Variants in CFAP96 observed in about 807,000 individuals in gnomAD.
CFAP96 encodes cilia-and flagella-associated protein 96.
chr4:185,429,570 GAATTT>G, the CFAP96 span: 2 of 929,958 alleles, frequency 2.2e-6, no homozygotes, highest in African/African-American at 3.5e-5. Context: ...ATAAAATTTA[GAATTT>G]AATATTTAAG....
chr4:185,449,582 T>C, the CFAP96 span: 1 of 1,517,798 alleles, frequency 6.6e-7, no homozygotes, highest in Non-Finnish European at 8.9e-7. Context: ...TGTGTGTTTA[T>C]TTTCCAATTT....
the CFAP96 span, among the ~76,000 whole-genome samples, chr4:185,431,003 A>C: frequency 6.6e-6 from 1 of 152,088 alleles, no homozygotes. Flanking sequence ...CAAGGTCAGG[A>C]GTTCAAGACC....
chr4:185,427,746 C>T, the CFAP96 span, among the ~76,000 whole-genome samples: 6 of 145,340 alleles, frequency 4.1e-5, no homozygotes, highest in Non-Finnish European at 6.0e-5. Context: ...GGCGACAGAG[C>T]GAGACTCCAT....
chr4:185,443,342 A>ATATATATATATTTTTTTTTTTTTTTTT, the CFAP96 span, among the ~76,000 whole-genome samples: 1 of 26,730 alleles, frequency 3.7e-5, no homozygotes, highest in African/African-American at 1.2e-4. Flanking sequence ...ATATATATAT[A>ATATATATATATTTTTTTTTTTTTTTTT]TTTTTTTTTT....
At chr4:185,433,569 A>T in the CFAP96 span, among the ~76,000 whole-genome samples, 1 of 152,100 alleles carries the variant, frequency 6.6e-6, no homozygotes. Flanking sequence ...TTCTAATTCT[A>T]GTAGGCAACG....
chr4:185,415,368 G>C, the CFAP96 span: 1 of 1,536,234 alleles, frequency 6.5e-7, no homozygotes, highest in South Asian at 1.3e-5. Context: ...AAATATATAA[G>C]TGTATTAACA....
chr4:185,427,376 C>T, the CFAP96 span, among the ~76,000 whole-genome samples: 1 of 152,234 alleles, frequency 6.6e-6, no homozygotes, highest in Non-Finnish European at 1.5e-5. Flanking sequence ...TCACTTGCCC[C>T]TTTGGTGTTA....
chr4:185,445,554 G>T, the CFAP96 span: 4 of 1,490,226 alleles, frequency 2.7e-6, no homozygotes, highest in Non-Finnish European at 3.7e-6. Context: ...TATGAAAATA[G>T]AAAATATTCT....
chr4:185,445,217 A>G, the CFAP96 span: 6 of 1,210,644 alleles, frequency 5.0e-6, no homozygotes, highest in African/African-American at 6.1e-5. Context: ...TTTTATTTAT[A>G]TATACTTTTT....
the CFAP96 span, among the ~76,000 whole-genome samples, chr4:185,434,937 C>T: frequency 1.1e-4 from 17 of 152,148 alleles, no homozygotes; most frequent in South Asian, 4.2e-4. Flanking sequence ...AGATGGGTTT[C>T]GCCATGTTGG....
the CFAP96 span, chr4:185,435,930 T>C: frequency 1.3e-6 from 1 of 762,332 alleles, no homozygotes; most frequent in Non-Finnish European, 2.0e-6. Context: ...TGAAATTAGA[T>C]TAAAACTAGC....
At chr4:185,446,726 C>T in the CFAP96 span, among the ~76,000 whole-genome samples, 5 of 132,706 alleles carry the variant, frequency 3.8e-5, no homozygotes, top group African/African-American at 8.1e-5. Flanking sequence ...TAGCCCACAA[C>T]ATTTTTTGTG....
At chr4:185,442,278 G>A in the CFAP96 span, among the ~76,000 whole-genome samples, 5 of 151,678 alleles carry the variant, frequency 3.3e-5, no homozygotes, top group Non-Finnish European at 7.4e-5. Flanking sequence ...CTCTTTTTTT[G>A]GATATATTAA....
the CFAP96 span, chr4:185,444,934 C>A: frequency 6.5e-7 from 1 of 1,531,244 alleles, no homozygotes; most frequent in South Asian, 1.2e-5. Flanking sequence ...TTTACAAAAT[C>A]ACATTAAGTT....
the CFAP96 span, chr4:185,445,551 A>G: frequency 6.7e-7 from 1 of 1,502,204 alleles, no homozygotes; most frequent in Non-Finnish European, 9.2e-7. Flanking sequence ...ACCTATGAAA[A>G]TAGAAAATAT....
the CFAP96 span, among the ~76,000 whole-genome samples, chr4:185,426,811 C>T: frequency 3.4e-5 from 5 of 145,216 alleles, no homozygotes; most frequent in East Asian, 1.0e-3. Context: ...GCAGACGCAT[C>T]ACCTGCGCTC....
the CFAP96 span, among the ~76,000 whole-genome samples, chr4:185,441,034 T>C: frequency 6.6e-6 from 1 of 151,708 alleles, no homozygotes; most frequent in Non-Finnish European, 1.5e-5. Context: ...CACTGCAAGC[T>C]CCGCCTCTTG....
chr4:185,410,556 G>A, the CFAP96 span, among the ~76,000 whole-genome samples: 1 of 152,126 alleles, frequency 6.6e-6, no homozygotes, highest in Non-Finnish European at 1.5e-5. Context: ...GCTGAGGCAG[G>A]AGAATTGCCT....
At chr4:185,447,244 C>T in the CFAP96 span, among the ~76,000 whole-genome samples, 15 of 151,642 alleles carry the variant, frequency 9.9e-5, no homozygotes, top group South Asian at 2.1e-4. Flanking sequence ...TGCAGTGGCA[C>T]GATCTCGGCT....
Sources: gnomAD v4.1 joint callset for allele counts (sites outside exome capture counted in the v4.1 genomes callset) on GRCh38, gnomAD v4.1.1 for gene constraint, MANE v1.5 for transcripts, NCBI Gene and HGNC (gene_info 2026-07-23, HGNC 2026-07-21) for gene names.